The following DLG2 variants were observed in gnomAD, a reference collection of about 807,000 sequenced individuals.
The protein encoded by DLG2 is disks large homolog 2.
Under a neutral mutation model 132.5 loss-of-function variants are expected in DLG2, and 45 were observed. The ratio of observed to expected loss-of-function variants is 0.34; its 90% CI spans 0.27 to 0.44. DLG2 has a LOEUF of 0.44. Ranked by LOEUF, DLG2 falls within the 20% of genes least tolerant of loss-of-function variation. DLG2 has a pLI of 1.00. For synonymous variants in DLG2, 424 were observed against 419.6 expected (o/e 1.01, Z -0.13); for missense variants, 1,045 against 1,196.9 (o/e 0.87, Z 1.87).
chr11:83,575,445 T>C (rs538732193), intron 19 of DLG2, among the ~76,000 whole-genome samples: 1 of 152,118 alleles, frequency 6.6e-6, no homozygotes, highest in South Asian at 2.1e-4. Flanking sequence ...GAAAAGAGTA[T>C]CAGAAGAGAG....
chr11:84,531,219 C>T (rs577104306), intron 7 of DLG2, among the ~76,000 whole-genome samples: 38 of 152,262 alleles, frequency 2.5e-4, no homozygotes, highest in African/African-American at 9.1e-4. Flanking sequence ...CATACTAACA[C>T]AGGAACAGAA....
intron 7 of DLG2, among the ~76,000 whole-genome samples, chr11:84,280,184 G>A (rs2097839039): frequency 6.6e-6 from 1 of 151,982 alleles, no homozygotes; most frequent in Non-Finnish European, 1.5e-5. Flanking sequence ...TAGAACACAA[G>A]ATTAATATCC....
At chr11:84,589,413 A>G (rs2099537570) in intron 6 of DLG2, among the ~76,000 whole-genome samples, 1 of 152,124 alleles carries the variant, frequency 6.6e-6, no homozygotes, top group South Asian at 2.1e-4. Flanking sequence ...AGTGTAAGGT[A>G]TTGATCAGTC....
intron 3 of DLG2, among the ~76,000 whole-genome samples, chr11:85,483,296 G>A (rs568814659): frequency 6.6e-6 from 1 of 152,330 alleles, no homozygotes; most frequent in African/African-American, 2.4e-5. Context: ...CCAAGAGAGA[G>A]TGAGATGATG....
chr11:84,452,923 C>T (rs1317545246), intron 7 of DLG2, among the ~76,000 whole-genome samples: 1 of 151,104 alleles, frequency 6.6e-6, no homozygotes, highest in Non-Finnish European at 1.5e-5. Flanking sequence ...ACAAATGGAT[C>T]GTATACTCAG....
intron 18 of DLG2, among the ~76,000 whole-genome samples, chr11:83,642,695 G>A (rs1415434108): frequency 6.6e-6 from 1 of 152,130 alleles, no homozygotes; most frequent in Non-Finnish European, 1.5e-5. Flanking sequence ...ACTTCCTGAA[G>A]TTGGCAAAGC....
At chr11:84,912,900 T>A (rs1014133203) in intron 6 of DLG2, among the ~76,000 whole-genome samples, 2 of 152,204 alleles carry the variant, frequency 1.3e-5, no homozygotes, top group African/African-American at 4.8e-5. Flanking sequence ...CTTATCTGTA[T>A]TTAACAAAAA....
chr11:85,594,104 A>G (rs966551471), intron 3 of DLG2, among the ~76,000 whole-genome samples: 3 of 152,216 alleles, frequency 2.0e-5, no homozygotes, highest in Non-Finnish European at 1.5e-5. Context: ...TCGATTTACC[A>G]TAAGGCAATG....
chr11:84,475,122 G>C (rs1337263087), intron 7 of DLG2, among the ~76,000 whole-genome samples: 1 of 152,128 alleles, frequency 6.6e-6, no homozygotes, highest in Non-Finnish European at 1.5e-5. Context: ...CCAACGAGTT[G>C]TAACCAATAG....
At chr11:84,768,191 T>G (rs1035872178) in intron 6 of DLG2, among the ~76,000 whole-genome samples, 13 of 152,178 alleles carry the variant, frequency 8.5e-5, no homozygotes, top group African/African-American at 3.1e-4. Flanking sequence ...TACACACAAA[T>G]AGACGATTCT....
At chr11:83,984,927 T>C (rs1451002293) in intron 11 of DLG2, among the ~76,000 whole-genome samples, 1 of 152,148 alleles carries the variant, frequency 6.6e-6, no homozygotes, top group Non-Finnish European at 1.5e-5. Context: ...TAGAAAGATC[T>C]ATTTCTTTTA....
Position 84,112,322 on chromosome 11 carries a change from C to T in DLG2, c.625-13275G>A, listed in dbSNP as rs1295418762. ...CTTTTTTTTTTTCTTTTTACTTTTC[C>T]TTTTTTTTTTTTTTTTTTTTTTTTT... is the stretch of plus-strand genomic sequence containing the variant. On this transcript the variant is annotated intron_variant, in intron 9 of 27. Coordinates refer to ENST00000376104, the MANE Select transcript of DLG2 (RefSeq NM_001142699.3). Among the ~76,000 whole-genome samples the T allele has an allele frequency of 4.2e-5, 5 of 119,220 alleles. No individual in the cohort carries two copies. The East Asian group carries it at 9.7e-4, about 23-fold the overall frequency. 78.2% of individuals were successfully genotyped at this position (119,220 alleles called of 152,430 possible). A position where few individuals can be genotyped will look rare whatever the true frequency, so the allele number is the denominator to read the frequency against.
At chr11:85,028,118 A>C (rs372844599) in intron 6 of DLG2, among the ~76,000 whole-genome samples, 16 of 152,136 alleles carry the variant, frequency 1.1e-4, no homozygotes, top group African/African-American at 3.6e-4. Context: ...CCAGCTGTCA[A>C]TGAAGAGGGA....
intron 7 of DLG2, among the ~76,000 whole-genome samples, chr11:84,476,040 T>C (rs940278658): frequency 6.6e-6 from 1 of 152,178 alleles, no homozygotes; most frequent in African/African-American, 2.4e-5. Context: ...TAATTCTTTA[T>C]GCACCCTGTA....
At chr11:84,479,407 T>C (rs936488284) in intron 7 of DLG2, among the ~76,000 whole-genome samples, 9 of 152,114 alleles carry the variant, frequency 5.9e-5, no homozygotes, top group Non-Finnish European at 1.2e-4. Context: ...TATTCCATCT[T>C]ACTCTTGTTC....
At chr11:84,955,283 G>A (rs1033747317) in intron 6 of DLG2, 1 of 152,078 alleles carries the variant, frequency 6.6e-6, no homozygotes, top group African/African-American at 2.4e-5. Context: ...ACACGTAATA[G>A]CATATTTAAT....
chr11:84,105,171 A>T (rs368317832), intron 9 of DLG2, among the ~76,000 whole-genome samples: 2 of 152,180 alleles, frequency 1.3e-5, no homozygotes, highest in African/African-American at 4.8e-5. Context: ...TTTGGAAAAG[A>T]TTTAAACTTC....
chr11:85,572,207 C>T lies in DLG2; in HGVS notation c.40+26450G>A, dbSNP rs116821820. Among the ~76,000 whole-genome samples the T allele has an allele frequency of 6.4e-3, 968 of 152,118 alleles. 7 individuals are homozygous for T. The highest frequency in any genetic ancestry group is 0.022 in the African/African-American group (922 of 41,524). On this transcript the variant is annotated intron_variant, in intron 3 of 27. Transcript: ENST00000376104. ...TAAAAGTCCTTACTCTGCCATTTTT[C>T]CAGCTGTAGGTTTTCATAATGTTTC...
intron 10 of DLG2, among the ~76,000 whole-genome samples, chr11:84,076,589 T>A (rs767802812): frequency 6.6e-6 from 1 of 152,160 alleles, no homozygotes; most frequent in Non-Finnish European, 1.5e-5. Flanking sequence ...CACTTATAAC[T>A]CCTATCTATG....
Sources: allele counts gnomAD v4.1 joint callset (sites outside exome capture counted in the v4.1 genomes callset), GRCh38; gene constraint gnomAD v4.1.1; transcripts MANE v1.5; gene names NCBI Gene and HGNC (gene_info 2026-07-23, HGNC 2026-07-21).